MVB12B: variants seen among roughly 807,000 people sequenced by gnomAD.
MVB12B encodes the protein multivesicular body subunit 12B, also known as ESCRT-I complex subunit MVB12B.
Under a neutral mutation model 41.6 loss-of-function variants are expected in MVB12B, and 16 were observed. The ratio of observed to expected loss-of-function variants is 0.38; its 90% confidence interval spans 0.26 to 0.58. MVB12B has a LOEUF of 0.58. MVB12B is among the 20% of genes least tolerant of loss of function. MVB12B has a pLI of 0.62. For missense variants in MVB12B, 274 were observed against 380.2 expected, an observed-to-expected ratio of 0.72 and a Z score of 2.32; for synonymous variants, 133 against 139.7, an observed-to-expected ratio of 0.95 and a Z score of 0.34.
chr9:126,418,563 C>T (rs757642551), intron 6 of MVB12B, among the ~76,000 whole-genome samples: 4 of 152,176 alleles, frequency 2.6e-5, no homozygotes, highest in African/African-American at 7.2e-5. Context: ...CTCCCACAGA[C>T]GGGCAAGCTT....
intron 3 of MVB12B, among the ~76,000 whole-genome samples, chr9:126,383,125 G>A (rs544294187): frequency 1.3e-5 from 2 of 152,304 alleles, no homozygotes; most frequent in African/African-American, 4.8e-5. Flanking sequence ...GAGTGGAGGA[G>A]GAATCAGAAT....
chr9:126,490,003 C>T (rs568319370), intron 9 of MVB12B, among the ~76,000 whole-genome samples: 27 of 152,282 alleles, frequency 1.8e-4, no homozygotes, highest in African/African-American at 2.2e-4. Flanking sequence ...GAAGCCCTTA[C>T]GGTTCTCCAG....
chr9:126,420,983 G>A (rs1450395651), intron 6 of MVB12B, among the ~76,000 whole-genome samples: 1 of 152,146 alleles, frequency 6.6e-6, no homozygotes, highest in Non-Finnish European at 1.5e-5. Context: ...GTCCGGGTGT[G>A]GCCACAGGTT....
At chr9:126,423,813 T>TC (rs1385362177) in intron 7 of MVB12B, among the ~76,000 whole-genome samples, 1 of 152,178 alleles carries the variant, frequency 6.6e-6, no homozygotes, top group Non-Finnish European at 1.5e-5. Context: ...AGAGACCACC[T>TC]CCCTTACCCC....
At chr9:126,464,147 C>T (rs1833145238) in intron 7 of MVB12B, among the ~76,000 whole-genome samples, 1 of 152,192 alleles carries the variant, frequency 6.6e-6, no homozygotes, top group Admixed American at 6.5e-5. Flanking sequence ...TCATGGAGCT[C>T]ATAATCAGGG....
At chr9:126,444,548 GT>G (rs539288154) in intron 7 of MVB12B, among the ~76,000 whole-genome samples, 2,005 of 152,276 alleles carry the variant, frequency 0.013, 23 homozygotes, top group Non-Finnish European at 0.019. Flanking sequence ...TGTTTGTGGA[GT>G]TGCAGGAGCT....
At chr9:126,433,218 G>C (rs576656540) in intron 7 of MVB12B, among the ~76,000 whole-genome samples, 3 of 149,946 alleles carry the variant, frequency 2.0e-5, no homozygotes, top group African/African-American at 7.6e-5. Flanking sequence ...AAGTGCTATT[G>C]ATGTATTGCT....
intron 7 of MVB12B, among the ~76,000 whole-genome samples, chr9:126,432,830 C>G (rs1012313300): frequency 1.3e-5 from 2 of 152,184 alleles, no homozygotes; most frequent in East Asian, 3.9e-4. Context: ...TTTCCCTCCC[C>G]TCATCAACTT....
At chr9:126,374,357 C>T (rs1301195509) in intron 2 of MVB12B, among the ~76,000 whole-genome samples, 2 of 152,250 alleles carry the variant, frequency 1.3e-5, no homozygotes, top group African/African-American at 4.8e-5. Context: ...TTAACCTCAG[C>T]GGTCTCTTTA....
Position 126,433,719 on chromosome 9 carries a change from C to T in MVB12B, c.757+11771C>T, listed in dbSNP as rs75646097. Among the ~76,000 whole-genome samples, 291 of 152,202 alleles carry T rather than the reference C, an allele frequency of 1.9e-3. 1 individual carries two copies. Among genetic ancestry groups the T allele is most frequent in the East Asian group, 0.017 (89 of 5,178 alleles). On this transcript the variant is annotated intron_variant, in intron 7 of 9. Transcript: ENST00000361171. ...CCAAGATTACTGAGCCATTGCAGCC[C>T]GTGAGCATTCCTTGTGAGTATTCCC...
intron 6 of MVB12B, among the ~76,000 whole-genome samples, chr9:126,409,002 A>G (rs1831535433): frequency 1.3e-5 from 2 of 151,984 alleles, no homozygotes; most frequent in Non-Finnish European, 1.5e-5. Context: ...TTGGATGGCC[A>G]CCTTGTCACC....
At chr9:126,416,637 A>T (rs573069312) in intron 6 of MVB12B, among the ~76,000 whole-genome samples, 37 of 152,296 alleles carry the variant, frequency 2.4e-4, no homozygotes, top group African/African-American at 7.7e-4. Context: ...TAACATAGCG[A>T]TAACCACCTC....
rs73595635 is a variant in MVB12B at position 126,389,680 on chromosome 9, C to A, written c.410-2386C>A. On this transcript the variant is annotated intron_variant, in intron 4 of 9. Coordinates refer to ENST00000361171, the MANE Select transcript of MVB12B (RefSeq NM_033446.3). The surrounding 1 kb of genome is among the most constrained non-coding windows in gnomAD (Gnocchi z 4.4). ...TCTCTCTTCTTCGTGCTTTCTAAGG[C>A]CGATCTGATCAGCTGATAATCTTTG... Among the ~76,000 whole-genome samples the A allele has an allele frequency of 0.011, 1,612 of 152,242 alleles. 20 individuals carry two copies. The highest frequency in any genetic ancestry group is 0.037 in the Middle Eastern group (11 of 294).
Position 126,376,474 on chromosome 9 carries a change from C to G in MVB12B, c.205-4590C>G. On this transcript the variant is annotated intron_variant, in intron 2 of 9. Transcript: ENST00000361171. The surrounding 1 kb of genome is among the most constrained non-coding windows in gnomAD (Gnocchi z 4.1). ...GAGGCACCAGCTCATGGGCTGGAGC[C>G]CTGTGGGTGGGGGGCCTGCTGGCTG... 7.8e-7 allele frequency: 1 copy of G among 1,282,080 alleles called. No individual in the cohort carries two copies. The highest frequency in any genetic ancestry group is 1.0e-6 in the Non-Finnish European group (1 of 982,738). 79.4% of individuals were successfully genotyped at this position (1,282,080 alleles called of 1,614,324 possible).
At chr9:126,374,079 G>A (rs1429823072) in intron 2 of MVB12B, among the ~76,000 whole-genome samples, 2 of 152,204 alleles carry the variant, frequency 1.3e-5, no homozygotes, top group Non-Finnish European at 1.5e-5. Context: ...TCAAATGGCT[G>A]TTGAGTCTTC....
In MVB12B at chr9:126,481,398, GAGA is replaced by G. The variant is rs1564346438; in HGVS notation, c.790_792del (p.Lys264del). The G allele has an allele frequency of 2.5e-6, 4 of 1,613,848 alleles. No individual in the cohort carries two copies. Among genetic ancestry groups the G allele is most frequent in the Non-Finnish European group, 3.4e-6 (4 of 1,179,886 alleles). ...GGATGGTGTGCCTTTTATGATTTCA[GAGA>G]AGTTTTCTTGTGTTCCAGAAAGTGT... On this transcript the variant is annotated inframe_deletion, in exon 8 of 10. Transcript: ENST00000361171.
At chr9:126,413,076 G>A (rs1831698368) in intron 6 of MVB12B, among the ~76,000 whole-genome samples, 1 of 152,110 alleles carries the variant, frequency 6.6e-6, no homozygotes, top group South Asian at 2.1e-4. Context: ...TCCTTCCACA[G>A]CTGAGATCAT....
At chr9:126,394,141 C>T (rs1051543519) in intron 5 of MVB12B, among the ~76,000 whole-genome samples, 3 of 152,188 alleles carry the variant, frequency 2.0e-5, no homozygotes, top group African/African-American at 4.8e-5. Flanking sequence ...TTTTGCAACA[C>T]GGTTTACACT....
chr9:126,434,833 G>A (rs2119123257), intron 7 of MVB12B, among the ~76,000 whole-genome samples: 1 of 152,268 alleles, frequency 6.6e-6, no homozygotes, highest in East Asian at 1.9e-4. Flanking sequence ...TCTAAGAAAG[G>A]AGATCCATCT....
Sources: gnomAD v4.1 joint callset for allele counts (sites outside exome capture counted in the v4.1 genomes callset) on GRCh38, gnomAD v4.1.1 for gene constraint, Gnocchi (gnomAD v3.1) non-coding constraint, MANE v1.5 for transcripts, NCBI Gene and HGNC (gene_info 2026-07-23, HGNC 2026-07-21) for gene names.